RANBP2: variants seen among roughly 807,000 people sequenced by gnomAD.
RANBP2 encodes the protein RAN binding protein 2, also known as E3 SUMO-protein ligase RanBP2.
A neutral mutation model predicts 303.6 loss-of-function variants in RANBP2; 57 were observed. The observed-to-expected ratio is 0.19, with a 90% CI of 0.15 to 0.23. The LOEUF is 0.23. Ranked by LOEUF, RANBP2 falls within the 10% of genes least tolerant of loss-of-function variation. RANBP2 has a pLI of 1.00. For missense variants in RANBP2, 3,138 were observed against 3,780.8 expected (o/e 0.83, Z 4.46); for synonymous variants, 1,167 against 1,301.5 (o/e 0.90, Z 2.23).
the RANBP2 span, among the ~76,000 whole-genome samples, chr2:109,048,446 A>G: frequency 6.6e-6 from 1 of 152,140 alleles, no homozygotes; most frequent in Admixed American, 6.5e-5. Flanking sequence ...TCTACATTAT[A>G]TTCATGATAA....
chr2:108,903,860 G>T, the RANBP2 span, among the ~76,000 whole-genome samples: 1 of 152,080 alleles, frequency 6.6e-6, no homozygotes, highest in Non-Finnish European at 1.5e-5. Flanking sequence ...AAAATTGTGG[G>T]AGCAAATCTC....
At chr2:109,537,964 TAC>T in the RANBP2 span, among the ~76,000 whole-genome samples, 28 of 150,836 alleles carry the variant, frequency 1.9e-4, no homozygotes, top group Non-Finnish European at 3.1e-4. Context: ...CACACACACA[TAC>T]ACACACACAC....
At chr2:109,508,368 C>T in the RANBP2 span, among the ~76,000 whole-genome samples, 1 of 152,102 alleles carries the variant, frequency 6.6e-6, no homozygotes, top group Non-Finnish European at 1.5e-5. Flanking sequence ...TTGGCAAAAA[C>T]AAAAGGAGCT....
chr2:109,545,116 TA>T, the RANBP2 span: 1 of 985,282 alleles, frequency 1.0e-6, no homozygotes, highest in Admixed American at 6.2e-5. Flanking sequence ...GTGAGAGCAT[TA>T]AACCAGATGT....
chr2:109,341,656 A>G, the RANBP2 span, among the ~76,000 whole-genome samples: 1,245 of 152,234 alleles, frequency 8.2e-3, 21 homozygotes, highest in African/African-American at 0.028. Flanking sequence ...TCACCCCAAG[A>G]CCCAGGTTTC....
At chr2:108,925,716 C>T in the RANBP2 span, among the ~76,000 whole-genome samples, 2 of 152,114 alleles carry the variant, frequency 1.3e-5, no homozygotes, top group Non-Finnish European at 2.9e-5. Context: ...CTCCCAGGTG[C>T]AAACAATTCT....
chr2:109,010,207 T>C, the RANBP2 span, among the ~76,000 whole-genome samples: 4 of 152,230 alleles, frequency 2.6e-5, no homozygotes, highest in Non-Finnish European at 4.4e-5. Flanking sequence ...CCGATGATTA[T>C]GAATCATGTC....
the RANBP2 span, among the ~76,000 whole-genome samples, chr2:109,424,069 C>A: frequency 3.9e-5 from 6 of 152,190 alleles, no homozygotes; most frequent in East Asian, 1.2e-3. Context: ...ACATCCCCAC[C>A]GGTACCGGCA....
At chr2:109,555,590 T>C in the RANBP2 span, among the ~76,000 whole-genome samples, 1 of 152,206 alleles carries the variant, frequency 6.6e-6, no homozygotes, top group Non-Finnish European at 1.5e-5. Context: ...ACAAACTGCG[T>C]CTGCCATCCA....
chr2:109,481,355 G>A, the RANBP2 span, among the ~76,000 whole-genome samples: 2 of 152,160 alleles, frequency 1.3e-5, no homozygotes, highest in Non-Finnish European at 2.9e-5. Context: ...GAGCAAATAC[G>A]GAAAAACAAG....
chr2:109,148,614 T>A, the RANBP2 span, among the ~76,000 whole-genome samples: 4 of 152,198 alleles, frequency 2.6e-5, no homozygotes, highest in African/African-American at 9.7e-5. Context: ...TATGTATAAT[T>A]AAAGATGGCA....
chr2:109,446,883 C>T, the RANBP2 span, among the ~76,000 whole-genome samples: 90 of 152,246 alleles, frequency 5.9e-4, no homozygotes, highest in Non-Finnish European at 1.1e-3. Context: ...GCAGTCCCAA[C>T]GCCGAGGGCC....
chr2:109,682,729 C>T, the RANBP2 span, among the ~76,000 whole-genome samples: 1 of 152,142 alleles, frequency 6.6e-6, no homozygotes, highest in Admixed American at 6.6e-5. Context: ...TGCTTGAGGC[C>T]AGGATTTCCA....
chr2:109,029,258 C>A, the RANBP2 span, among the ~76,000 whole-genome samples: 1 of 152,234 alleles, frequency 6.6e-6, no homozygotes, highest in Non-Finnish European at 1.5e-5. Flanking sequence ...CCTCCCCATC[C>A]CAGCCCCCAT....
the RANBP2 span, among the ~76,000 whole-genome samples, chr2:109,436,555 C>A: frequency 6.6e-6 from 1 of 152,248 alleles, no homozygotes; most frequent in African/African-American, 2.4e-5. Context: ...ACTGAGTCAT[C>A]TGTTCTTTCT....
At chr2:109,794,564 G>GCGGCCC in the RANBP2 span, 1 of 427,898 alleles carries the variant, frequency 2.3e-6, no homozygotes, top group African/African-American at 7.7e-5. Context: ...GAGAGCGACG[G>GCGGCCC]CGGCCTCGAC....
the RANBP2 span, among the ~76,000 whole-genome samples, chr2:109,149,943 A>G: frequency 6.6e-6 from 1 of 152,140 alleles, no homozygotes; most frequent in East Asian, 1.9e-4. Context: ...TTATTAAACT[A>G]GTGGTTCTTG....
the RANBP2 span, among the ~76,000 whole-genome samples, chr2:108,844,712 T>C: frequency 6.6e-6 from 1 of 152,090 alleles, no homozygotes; most frequent in Non-Finnish European, 1.5e-5. Context: ...TGGAGTTTTT[T>C]CTCTTTTCCT....
At chr2:109,361,971 T>A in the RANBP2 span, among the ~76,000 whole-genome samples, 1 of 152,182 alleles carries the variant, frequency 6.6e-6, no homozygotes, top group Non-Finnish European at 1.5e-5. Flanking sequence ...TTTTTCTTAG[T>A]TTGCTTGCTA....
Sources: gnomAD v4.1 joint callset for allele counts (sites outside exome capture counted in the v4.1 genomes callset) on GRCh38, gnomAD v4.1.1 for gene constraint, MANE v1.5 for transcripts, NCBI Gene and HGNC (gene_info 2026-07-23, HGNC 2026-07-21) for gene names.